TOX3: variants seen among roughly 807,000 people sequenced by gnomAD.
TOX3 encodes TOX high mobility group box family member 3.
A neutral mutation model predicts 64.3 loss-of-function variants in TOX3; 22 were observed. The ratio of observed to expected loss-of-function variants is 0.34; its 90% confidence interval spans 0.24 to 0.49. TOX3 has a LOEUF of 0.49. Among genes scored for constraint, TOX3 ranks in the 20% least tolerant of loss-of-function variants. The pLI is 0.99. For missense variants in TOX3, 661 were observed against 714.4 expected (o/e 0.93, Z 0.85); for synonymous variants, 291 against 273.6 (o/e 1.06, Z -0.63).
intron 5 of TOX3, 92 bp from the exon 6 acceptor site, chr16:52,444,448 T>A: frequency 9.0e-7 from 1 of 1,111,780 alleles, no homozygotes; most frequent in Non-Finnish European, 1.3e-6. Context: ...TAAACACAAC[T>A]CACATAAAAA....
intron 3 of TOX3, among the ~76,000 whole-genome samples, chr16:52,452,039 A>T (rs1436945525): frequency 2.0e-5 from 3 of 152,136 alleles, no homozygotes; most frequent in Non-Finnish European, 2.9e-5. Flanking sequence ...ATGTCTCCAG[A>T]CTTTGCCCCA....
rs1023919709 is a variant in TOX3, at chr16:52,481,879, T to C, written c.88-13305A>G. Among the ~76,000 whole-genome samples the C allele has an allele frequency of 4.6e-5, 7 of 152,320 alleles. 1 individual carries two copies. Among genetic ancestry groups the C allele is most frequent in the South Asian group, 4.1e-4 (2 of 4,824 alleles). On this transcript the variant is annotated intron_variant, in intron 1 of 6. Coordinates refer to ENST00000219746, the MANE Select transcript of TOX3 (RefSeq NM_001080430.4). ...CTGTATTTTACCAGTTGTGTTTATC[T>C]AAAATCTTTTACTAGGAAAGAGCTC...
chr16:52,538,424 A>G (rs936073097), intron 1 of TOX3, among the ~76,000 whole-genome samples: 1 of 152,192 alleles, frequency 6.6e-6, no homozygotes, highest in African/African-American at 2.4e-5. Context: ...AATTGCTGGA[A>G]AAAATCTCAC....
At chr16:52,530,470 G>A (rs1212064298) in intron 1 of TOX3, among the ~76,000 whole-genome samples, 1 of 151,960 alleles carries the variant, frequency 6.6e-6, no homozygotes, top group African/African-American at 2.4e-5. Flanking sequence ...CCGAGTAGCT[G>A]GGATTACAGG....
chr16:52,444,050 A>C (rs1376456745), intron 6 of TOX3, among the ~76,000 whole-genome samples: 1 of 152,220 alleles, frequency 6.6e-6, no homozygotes, highest in African/African-American at 2.4e-5. Context: ...ACATATATAA[A>C]GATCAGGGAA....
chr16:52,463,913 A>C (rs776494132), intron 3 of TOX3, 21 bp downstream of exon 3: 4 of 1,481,502 alleles, frequency 2.7e-6, no homozygotes, highest in Middle Eastern at 1.8e-4. Context: ...AAATAATTTA[A>C]GTAATAAATG....
rs890190386 is a variant in TOX3, at chr16:52,436,797, A to C, written c.*2428T>G. 3 of 152,252 alleles carry C rather than the reference A, an allele frequency of 2.0e-5. No homozygotes were observed. The highest frequency in any genetic ancestry group is 4.4e-5 in the Non-Finnish European group (3 of 68,042). 9.4% of individuals were successfully genotyped at this position (152,252 alleles called of 1,614,324 possible). On this transcript the variant is annotated 3_prime_UTR_variant, in exon 7 of 7. Transcript: ENST00000219746. ...ACCTGCTTCTAACTGCAAACAGTTGAAAACAGACTTCACTTGCAATTAAGT... is the reference window on the plus strand; with the variant it reads ...ACCTGCTTCTAACTGCAAACAGTTGCAAACAGACTTCACTTGCAATTAAGT...
chr16:52,453,947 G>T (rs575027008), intron 3 of TOX3, among the ~76,000 whole-genome samples: 1 of 152,184 alleles, frequency 6.6e-6, no homozygotes, highest in Non-Finnish European at 1.5e-5. Context: ...TTTGTGCTAA[G>T]CTTAATATGC....
chr16:52,461,148 A>G (rs1488293050), intron 3 of TOX3, among the ~76,000 whole-genome samples: 3 of 152,164 alleles, frequency 2.0e-5, no homozygotes, highest in Non-Finnish European at 2.9e-5. Flanking sequence ...TAGAATTGCA[A>G]TCTTTTGTGG....
At chr16:52,477,373 G>A (rs937098671) in intron 1 of TOX3, among the ~76,000 whole-genome samples, 10 of 152,140 alleles carry the variant, frequency 6.6e-5, no homozygotes, top group African/African-American at 2.4e-4. Flanking sequence ...GAGGCAGAGA[G>A]AGAGAGATGT....
intron 1 of TOX3, among the ~76,000 whole-genome samples, chr16:52,514,604 A>C (rs1482105641): frequency 6.6e-6 from 1 of 152,220 alleles, no homozygotes. Context: ...GTATATTGGA[A>C]GAAGATCAGT....
At chr16:52,524,657 A>G (rs1962684646) in intron 1 of TOX3, among the ~76,000 whole-genome samples, 1 of 152,076 alleles carries the variant, frequency 6.6e-6, no homozygotes, top group Non-Finnish European at 1.5e-5. Context: ...TCCTCTTCCC[A>G]GTCCATCCCT....
intron 1 of TOX3, among the ~76,000 whole-genome samples, chr16:52,516,586 G>A (rs932570192): frequency 1.3e-5 from 2 of 152,106 alleles, no homozygotes; most frequent in African/African-American, 4.8e-5. Context: ...GACTTCATGT[G>A]AGCAAAATGG....
intron 1 of TOX3, among the ~76,000 whole-genome samples, chr16:52,513,936 T>C (rs771207296): frequency 1.3e-5 from 2 of 152,218 alleles, no homozygotes; most frequent in Non-Finnish European, 2.9e-5. Context: ...GATCAAGATG[T>C]CTAGCATAAT....
chr16:52,485,962 G>A (rs1447056457), intron 1 of TOX3, among the ~76,000 whole-genome samples: 2 of 152,218 alleles, frequency 1.3e-5, no homozygotes, highest in African/African-American at 4.8e-5. Context: ...CAACACAGGG[G>A]AAGCTGAACA....
At chr16:52,452,694 G>A (rs1230432510) in intron 3 of TOX3, among the ~76,000 whole-genome samples, 2 of 137,026 alleles carry the variant, frequency 1.5e-5, no homozygotes, top group African/African-American at 5.6e-5. Context: ...ATAAAAAAAA[G>A]AAATGGAAAA....
intron 1 of TOX3, among the ~76,000 whole-genome samples, chr16:52,495,971 A>C (rs946704893): frequency 6.6e-6 from 1 of 152,198 alleles, no homozygotes; most frequent in Admixed American, 6.5e-5. Context: ...CAATAAAAAG[A>C]GGTGCTATAT....
intron 2 of TOX3, among the ~76,000 whole-genome samples, chr16:52,465,141 A>T (rs1222420109): frequency 6.7e-6 from 1 of 149,162 alleles, no homozygotes; most frequent in Admixed American, 6.8e-5. Flanking sequence ...CAGCCTCTCG[A>T]GTAGCTGGGA....
rs1466774162 is a variant in TOX3, at chr16:52,468,593, T to C, written c.88-19A>G. Reference sequence around the variant, plus strand: ...TTCCAAACTGAAAGAAAACAGATTGTTTTACGTTAATATGCGGCATAATAA... The same window carrying C: ...TTCCAAACTGAAAGAAAACAGATTGCTTTACGTTAATATGCGGCATAATAA... On this transcript the variant is annotated intron_variant, in intron 1 of 6. Transcript: ENST00000219746. 1 of 1,586,434 alleles carries C rather than the reference T, an allele frequency of 6.3e-7. No individual in the cohort carries two copies. The highest frequency in any genetic ancestry group is 8.6e-7 in the Non-Finnish European group (1 of 1,156,712).
Sources: gnomAD v4.1 joint callset for allele counts (sites outside exome capture counted in the v4.1 genomes callset) on GRCh38, gnomAD v4.1.1 for gene constraint, MANE v1.5 for transcripts, NCBI Gene and HGNC (gene_info 2026-07-23, HGNC 2026-07-21) for gene names.